Variants in GALNT2 observed in about 807,000 individuals in gnomAD.
GALNT2 encodes the protein UDP-GalNAc:polypeptide N-acetylgalactosaminyltransferase 2.
Under a neutral mutation model 81.4 loss-of-function variants are expected in GALNT2, and 31 were observed. The ratio of observed to expected loss-of-function variants is 0.38; its 90% confidence interval spans 0.29 to 0.51. The LOEUF is 0.51. Ranked by LOEUF, GALNT2 falls within the 20% of genes least tolerant of loss-of-function variation. The probability of loss-of-function intolerance (pLI) is 0.87; values close to 1 mark genes in which losing one functional copy is unlikely to be tolerated. For synonymous variants in GALNT2, 303 were observed against 287.4 expected (o/e 1.05, Z -0.55); for missense variants, 629 against 765.7 (o/e 0.82, Z 2.11).
rs1381271115 is a variant in GALNT2 at position 230,275,597 on chromosome 1, A to G, written c.1560+1033A>G. Among the ~76,000 whole-genome samples, 1 of 151,646 alleles carries G rather than the reference A, an allele frequency of 6.6e-6. No individual in the cohort carries two copies. The highest frequency in any genetic ancestry group is 1.5e-5 in the Non-Finnish European group (1 of 67,806). ...AAACACACCATATATATACATATAG[A>G]TACATGCTACATTTATATAAACACC... On this transcript the variant is annotated intron_variant, in intron 15 of 15. Coordinates refer to ENST00000366672, the MANE Select transcript of GALNT2 (RefSeq NM_004481.5). This position sits in a 1 kb window ranked among gnomAD's most constrained non-coding sequence, Gnocchi z 5.5.
chr1:230,110,094 G>A lies in GALNT2; in HGVS notation c.126+42688G>A, dbSNP rs1354607905. On this transcript the variant is annotated intron_variant, in intron 1 of 15. Transcript: ENST00000366672. ...CCACAGGCTGATGCAGCCGTTCTCT[G>A]TGCAGAGGCTGAGCCATCCTAGGAG... is the stretch of plus-strand genomic sequence containing the variant. Among the ~76,000 whole-genome samples, 5 of 152,324 alleles carry A rather than the reference G, an allele frequency of 3.3e-5. No homozygotes were observed. The East Asian group carries it at 7.7e-4, about 24-fold the overall frequency.
At position 230,275,095 on chromosome 1, in the gene GALNT2, A is replaced by C. The variant is rs1248132977; in HGVS notation, c.1560+531A>C. On this transcript the variant is annotated intron_variant, in intron 15 of 15. Transcript: ENST00000366672. This position sits in a 1 kb window ranked among gnomAD's most constrained non-coding sequence, Gnocchi z 5.5. Reference sequence around the variant, plus strand: ...ATATATACACACCACATATATATACATGTATACACACCACATATATATACA... The same window carrying C: ...ATATATACACACCACATATATATACCTGTATACACACCACATATATATACA... Among the ~76,000 whole-genome samples the C allele has an allele frequency of 6.6e-6, 1 of 150,914 alleles. No individual in the cohort carries two copies. Among genetic ancestry groups the C allele is most frequent in the South Asian group, 2.1e-4 (1 of 4,820 alleles).
rs554999608 is a variant in GALNT2, at chr1:230,180,141, A to G, written c.220+1830A>G. Among the ~76,000 whole-genome samples, 7 of 152,138 alleles carry G rather than the reference A, an allele frequency of 4.6e-5. No individual in the cohort carries two copies. In the South Asian group the frequency reaches 1.5e-3, roughly 32 times the overall value. On this transcript the variant is annotated intron_variant, in intron 2 of 15. Coordinates refer to ENST00000366672, the MANE Select transcript of GALNT2 (RefSeq NM_004481.5). ...GCCATGTTGGCCAGGCTGGTCTCAA[A>G]CTCCTGACCTCAGGTGATCCGCCCG...
At chr1:230,128,277 G>GTGTGTGT (rs1571994642) in intron 1 of GALNT2, among the ~76,000 whole-genome samples, 2 of 151,868 alleles carry the variant, frequency 1.3e-5, no homozygotes, top group East Asian at 1.9e-4. Context: ...GTGTGTGTGT[G>GTGTGTGT]GTTATGAAGG....
At chr1:230,170,801 C>T (rs1045861765) in intron 1 of GALNT2, among the ~76,000 whole-genome samples, 5 of 152,066 alleles carry the variant, frequency 3.3e-5, no homozygotes, top group Admixed American at 2.6e-4. Flanking sequence ...TTCTTTTAAA[C>T]AATCAAATCT....
rs578106778 is a variant in GALNT2, at chr1:230,143,497, C to T, written c.127-34721C>T. On this transcript the variant is annotated intron_variant, in intron 1 of 15. Transcript: ENST00000366672. ...GGTCCTGAAGTCCCATGCAGAACTG[C>T]GGGGTGGTCCTGCTGAAGTTCTTGT... Among the ~76,000 whole-genome samples the T allele has an allele frequency of 8.5e-5, 13 of 152,286 alleles. No homozygotes were observed. In the East Asian group the frequency reaches 1.9e-3, roughly 23 times the overall value.
chr1:230,139,314 A>G (rs1315631456), intron 1 of GALNT2, among the ~76,000 whole-genome samples: 4 of 152,204 alleles, frequency 2.6e-5, no homozygotes, highest in Non-Finnish European at 5.9e-5. Context: ...GTTGAAGCCA[A>G]GTGCTCCTTC....
At chr1:230,237,383 C>T (rs762058850) in intron 6 of GALNT2, among the ~76,000 whole-genome samples, 75 of 152,210 alleles carry the variant, frequency 4.9e-4, no homozygotes, top group Non-Finnish European at 4.1e-4. Context: ...TTGTTAGGCT[C>T]CTCCATGGTT....
intron 3 of GALNT2, among the ~76,000 whole-genome samples, chr1:230,216,189 C>T (rs1320507090): frequency 6.6e-6 from 1 of 152,146 alleles, no homozygotes; most frequent in Non-Finnish European, 1.5e-5. Context: ...CATCACTTTG[C>T]CCCCCGTCGT....
intron 1 of GALNT2, among the ~76,000 whole-genome samples, chr1:230,171,456 G>C (rs967410813): frequency 6.6e-6 from 1 of 152,184 alleles, no homozygotes; most frequent in Non-Finnish European, 1.5e-5. Flanking sequence ...TCAAATAACA[G>C]TGAAAACTAG....
At chr1:230,194,101 C>T (rs530837110) in intron 2 of GALNT2, among the ~76,000 whole-genome samples, 19 of 152,302 alleles carry the variant, frequency 1.2e-4, no homozygotes, top group South Asian at 4.1e-4. Context: ...GGATGGGTTA[C>T]GGGAGGGAGA....
chr1:230,085,459 C>G (rs955009531), intron 1 of GALNT2, among the ~76,000 whole-genome samples: 1 of 152,210 alleles, frequency 6.6e-6, no homozygotes, highest in African/African-American at 2.4e-5. Flanking sequence ...CCACAGGCTT[C>G]AAGCAGTTGC....
chr1:230,238,104 AC>A (rs1380389897), intron 6 of GALNT2, among the ~76,000 whole-genome samples: 2 of 152,250 alleles, frequency 1.3e-5, no homozygotes, highest in African/African-American at 4.8e-5. Context: ...GAAGTCTGTA[AC>A]AATTGAATGA....
rs532259231 is a variant in GALNT2 at position 230,255,993 on chromosome 1, G to A, written c.1136+649G>A. Among the ~76,000 whole-genome samples the A allele has an allele frequency of 2.6e-5, 4 of 152,234 alleles. No individual in the cohort carries two copies. In the South Asian group the frequency reaches 6.2e-4, roughly 24 times the overall value. ...ATCAAGGTGCTGGTGTCTGGCGAGG[G>A]TCTTCTTGATGTGTCATCACATGGT... On this transcript the variant is annotated intron_variant, in intron 11 of 15. Transcript: ENST00000366672.
At chr1:230,221,865 A>G (rs371758833) in intron 3 of GALNT2, among the ~76,000 whole-genome samples, 7 of 152,082 alleles carry the variant, frequency 4.6e-5, no homozygotes, top group African/African-American at 1.4e-4. Context: ...TTATTGGCAT[A>G]GTGTTATATG....
chr1:230,224,418 C>A (rs1204301109), intron 3 of GALNT2, among the ~76,000 whole-genome samples: 2 of 152,164 alleles, frequency 1.3e-5, no homozygotes, highest in African/African-American at 4.8e-5. Flanking sequence ...GAGGGCATGA[C>A]GAGAGAGTTC....
At chr1:230,142,238 C>T (rs1198206289) in intron 1 of GALNT2, among the ~76,000 whole-genome samples, 2 of 152,150 alleles carry the variant, frequency 1.3e-5, no homozygotes, top group African/African-American at 4.8e-5. Context: ...CACCAGGCCA[C>T]AGGAAGCATA....
chr1:230,190,855 G>A (rs891696710), intron 2 of GALNT2, among the ~76,000 whole-genome samples: 3 of 152,086 alleles, frequency 2.0e-5, no homozygotes, highest in African/African-American at 7.2e-5. Context: ...ATTTTTTGTT[G>A]TGGGACATAA....
At chr1:230,182,943 A>G (rs553220704) in intron 2 of GALNT2, among the ~76,000 whole-genome samples, 1 of 152,346 alleles carries the variant, frequency 6.6e-6, no homozygotes, top group African/African-American at 2.4e-5. Flanking sequence ...TTTTAGGCAC[A>G]TACACATTAA....
Sources: gnomAD v4.1 joint callset for allele counts (sites outside exome capture counted in the v4.1 genomes callset) on GRCh38, gnomAD v4.1.1 for gene constraint, Gnocchi (gnomAD v3.1) non-coding constraint, MANE v1.5 for transcripts, NCBI Gene and HGNC (gene_info 2026-07-23, HGNC 2026-07-21) for gene names.